The following TEX29 variants were observed in gnomAD, a reference collection of about 807,000 sequenced individuals.
The protein encoded by TEX29 is testis expressed 29.
A neutral mutation model predicts 18.2 loss-of-function variants in TEX29; 26 were observed. The observed-to-expected ratio is 1.43, with a 90% CI of 1.04 to 1.98. TEX29 has a LOEUF of 1.98. TEX29 is among the 30% of genes most tolerant of loss of function. TEX29 has a pLI of 0.00. For missense variants in TEX29, 177 were observed against 194.2 expected (o/e 0.91, Z 0.53); for synonymous variants, 83 against 78.5 (o/e 1.06, Z -0.31).
At chr13:111,326,771 G>A (rs930241780) in intron 2 of TEX29, among the ~76,000 whole-genome samples, 6 of 152,134 alleles carry the variant, frequency 3.9e-5, no homozygotes, top group African/African-American at 1.4e-4. Flanking sequence ...CTGTGCAGCT[G>A]CTGTCATCAC....
At chr13:111,317,080 T>C (rs1183145414), upstream of TEX29, among the ~76,000 whole-genome samples, 1 of 152,044 alleles carries the variant, frequency 6.6e-6, no homozygotes, top group Non-Finnish European at 1.5e-5. Context: ...GAGATTTGGG[T>C]GGGGACACAG....
At chr13:111,316,700 C>A (rs58952532), upstream of TEX29, among the ~76,000 whole-genome samples, 5,766 of 152,298 alleles carry the variant, frequency 0.038, 325 homozygotes, top group African/African-American at 0.12. Context: ...ACCGGATGCA[C>A]ATTGTCTGGG....
chr13:111,339,037 C>T (rs936169196), intron 3 of TEX29, among the ~76,000 whole-genome samples: 1 of 152,184 alleles, frequency 6.6e-6, no homozygotes, highest in Non-Finnish European at 1.5e-5. Context: ...GGCAGTCTCT[C>T]AGAAAGAGGC....
At chr13:111,339,551 G>A in intron 3 of TEX29, 2 of 489,886 alleles carry the variant, frequency 4.1e-6, no homozygotes, top group Admixed American at 3.3e-5. Context: ...GCACTCCCGG[G>A]GGTCAGGACC....
chr13:111,329,329 C>G (rs2093679157), intron 3 of TEX29, among the ~76,000 whole-genome samples: 1 of 152,080 alleles, frequency 6.6e-6, no homozygotes, highest in South Asian at 2.1e-4. Flanking sequence ...CAAACCCTCC[C>G]TGTCCTAAGC....
rs567449460 is a variant in TEX29 at position 111,341,806 on chromosome 13, A to T, written c.240-950A>T. ...TTAGTGAGCACCTAAGACTCTTAAG[A>T]GCTCTGCTCAGCCTTTTCAGCCCTT... On this transcript the variant is annotated intron_variant, in intron 4 of 5. Transcript: ENST00000283547. Among the ~76,000 whole-genome samples, 9 of 152,366 alleles carry T rather than the reference A, an allele frequency of 5.9e-5. No homozygotes were observed. In the South Asian group the frequency reaches 1.9e-3, roughly 32 times the overall value.
intron 2 of TEX29, among the ~76,000 whole-genome samples, chr13:111,323,704 C>T (rs890652002): frequency 1.3e-5 from 2 of 151,498 alleles, no homozygotes; most frequent in African/African-American, 4.8e-5. Flanking sequence ...GAAGGCCACA[C>T]ACATGAGCCT....
upstream of TEX29, among the ~76,000 whole-genome samples, chr13:111,317,987 A>C (rs1427030821): frequency 7.2e-5 from 11 of 152,208 alleles, no homozygotes; most frequent in East Asian, 2.1e-3. Context: ...TACATCGGCA[A>C]AGACCCTATT....
chr13:111,329,076 C>A (rs2093678734), intron 3 of TEX29, among the ~76,000 whole-genome samples: 2 of 152,234 alleles, frequency 1.3e-5, no homozygotes, highest in Admixed American at 6.5e-5. Flanking sequence ...GAGGTCTTCT[C>A]ATTTCCAAAC....
At chr13:111,343,901 T>G (rs1044095621) in intron 5 of TEX29, among the ~76,000 whole-genome samples, 182 bp from the exon 6 acceptor site, 2 of 152,052 alleles carry the variant, frequency 1.3e-5, no homozygotes, top group Non-Finnish European at 2.9e-5. Flanking sequence ...GGAAGAGTGT[T>G]TTACTGTCCC....
At chr13:111,323,308 C>A (rs185706229) in intron 2 of TEX29, among the ~76,000 whole-genome samples, 253 of 152,276 alleles carry the variant, frequency 1.7e-3, no homozygotes, top group African/African-American at 5.5e-3. Context: ...GGTGAAAGAG[C>A]GGAAATGAGG....
At chr13:111,339,804 A>T (rs942610146) in intron 3 of TEX29, 59 bp from the exon 4 acceptor site, 1 of 1,584,598 alleles carries the variant, frequency 6.3e-7, no homozygotes, top group African/African-American at 1.3e-5. Flanking sequence ...CCTTTTCTTC[A>T]TCTTCTTCCT....
chr13:111,324,850 G>A (rs1327208721), intron 2 of TEX29, among the ~76,000 whole-genome samples: 2 of 152,234 alleles, frequency 1.3e-5, no homozygotes, highest in Non-Finnish European at 2.9e-5. Flanking sequence ...AGAGTGAAGA[G>A]ACTTTCCATG....
intron 3 of TEX29, chr13:111,339,205 A>T (rs2093693674): frequency 2.2e-6 from 1 of 453,350 alleles, no homozygotes; most frequent in Non-Finnish European, 4.4e-6. Context: ...AGGCACGGGA[A>T]ACTTGGGGAT....
At chr13:111,326,637 C>T (rs28742267) in intron 2 of TEX29, among the ~76,000 whole-genome samples, 111 of 11,094 alleles carry the variant, frequency 0.01, 1 homozygote, top group Non-Finnish European at 0.015. Context: ...TGGAGGAGAC[C>T]ACGGGCAGTG....
rs955987973 is a variant in TEX29, at chr13:111,320,778, C to T, written c.-35+16C>T. On this transcript the variant is annotated intron_variant, in intron 1 of 5. Coordinates refer to ENST00000283547, the MANE Select transcript of TEX29 (RefSeq NM_152324.3). ...TGAGGCGCAGGTGAGTCGATGAACG[C>T]CCCCTCCTGGTGTGAGCCGCCCGCT... 1.5e-6 allele frequency: 2 copies of T among 1,313,196 alleles called. No individual in the cohort carries two copies. Among genetic ancestry groups the T allele is most frequent in the East Asian group, 2.3e-5 (1 of 43,446 alleles). The allele number at this position is 1,313,196 out of a possible 1,614,324, so 81.3% of individuals were successfully genotyped here. A position where few individuals can be genotyped will look rare whatever the true frequency, so the allele number is the denominator to read the frequency against.
chr13:111,322,098 A>G (rs2093665658), intron 2 of TEX29, among the ~76,000 whole-genome samples: 1 of 152,226 alleles, frequency 6.6e-6, no homozygotes, highest in African/African-American at 2.4e-5. Flanking sequence ...GCAGCGGGAC[A>G]GGGCGGCCCA....
intron 2 of TEX29, among the ~76,000 whole-genome samples, chr13:111,323,320 T>A (rs1269166271): frequency 6.6e-6 from 1 of 152,188 alleles, no homozygotes; most frequent in Non-Finnish European, 1.5e-5. Context: ...GAAATGAGGA[T>A]GGGAGGATGA....
intron 3 of TEX29, 56 bp from the exon 4 acceptor site, chr13:111,339,804 ATCT>A (rs1274924009): frequency 5.0e-6 from 8 of 1,584,598 alleles, no homozygotes; most frequent in Admixed American, 1.7e-5. Context: ...CCTTTTCTTC[ATCT>A]TCTTCCTTTT....
Sources: gnomAD v4.1 joint callset for allele counts (sites outside exome capture counted in the v4.1 genomes callset) on GRCh38, gnomAD v4.1.1 for gene constraint, MANE v1.5 for transcripts, NCBI Gene and HGNC (gene_info 2026-07-23, HGNC 2026-07-21) for gene names.